The following TENM4 variants were observed in gnomAD, a reference collection of about 807,000 sequenced individuals.
The protein encoded by TENM4 is teneurin transmembrane protein 4.
Under a neutral mutation model 243.3 loss-of-function variants are expected in TENM4, and 82 were observed. That is an observed-to-expected ratio of 0.34 (90% CI 0.28 to 0.40). TENM4 has a LOEUF of 0.40. Among genes scored for constraint, TENM4 ranks in the 10% least tolerant of loss-of-function variants. The pLI, the probability that TENM4 is intolerant of heterozygous loss-of-function variation, is 1.00. For synonymous variants in TENM4, 1,412 were observed against 1,456.3 expected (o/e 0.97, Z 0.69); for missense variants, 3,138 against 3,673.3 (o/e 0.85, Z 3.77).
chr11:79,074,341 GC>G (rs1273049741), intron 4 of TENM4, among the ~76,000 whole-genome samples: 1 of 152,032 alleles, frequency 6.6e-6, no homozygotes, highest in African/African-American at 2.4e-5. Context: ...GTGACCTGGA[GC>G]CCCCCGGCAG....
intron 11 of TENM4, 60 bp downstream of exon 11, chr11:78,855,903 TG>T (rs769227068): frequency 2.1e-4 from 315 of 1,478,940 alleles, no homozygotes; most frequent in Non-Finnish European, 2.8e-4. Flanking sequence ...TTCTTAACTT[TG>T]GGTTAAGATT....
chr11:78,761,573 T>C (rs1039340100), intron 18 of TENM4, among the ~76,000 whole-genome samples: 5 of 152,188 alleles, frequency 3.3e-5, no homozygotes, highest in African/African-American at 9.6e-5. Context: ...GCTGGCCACC[T>C]CAAGGGTACC....
At chr11:78,997,958 C>T (rs1321825825) in intron 6 of TENM4, among the ~76,000 whole-genome samples, 1 of 152,142 alleles carries the variant, frequency 6.6e-6, no homozygotes, top group African/African-American at 2.4e-5. Context: ...GGTGTATATA[C>T]ACCGAGGAAA....
chr11:79,416,775 CA>C lies in TENM4; in HGVS notation c.-321+23733del, dbSNP rs1858823110. Among the ~76,000 whole-genome samples the C allele has an allele frequency of 3.3e-5, 5 of 152,132 alleles. No individual in the cohort carries two copies. The South Asian group carries it at 1.0e-3, about 32-fold the overall frequency. On this transcript the variant is annotated intron_variant, in intron 1 of 33. Coordinates refer to ENST00000278550, the MANE Select transcript of TENM4 (RefSeq NM_001098816.3). ...AGGGTTTCTCTCCAGGTCTCTGCTCCAAATCCTGTAGGGTATGCCTGCTACT... is the reference window on the plus strand; with the variant it reads ...AGGGTTTCTCTCCAGGTCTCTGCTCCAATCCTGTAGGGTATGCCTGCTACT...
At chr11:79,011,810 G>A (rs1203856065) in intron 6 of TENM4, among the ~76,000 whole-genome samples, 1 of 152,230 alleles carries the variant, frequency 6.6e-6, no homozygotes, top group East Asian at 1.9e-4. Context: ...AAAGAAGAGT[G>A]TGAAATTTCC....
At chr11:78,853,372 T>C (rs1408213456) in intron 12 of TENM4, among the ~76,000 whole-genome samples, 1 of 152,176 alleles carries the variant, frequency 6.6e-6, no homozygotes, top group Non-Finnish European at 1.5e-5. Flanking sequence ...TTCTGTGCAA[T>C]GTATTGGTAA....
chr11:79,105,734 A>G (rs1198806754), intron 4 of TENM4, among the ~76,000 whole-genome samples: 2 of 152,188 alleles, frequency 1.3e-5, no homozygotes, highest in South Asian at 2.1e-4. Context: ...CCAAACTTCA[A>G]TTTGGCAGCT....
At position 78,663,607 on chromosome 11, in the gene TENM4, C is replaced by G. The variant is rs111509696; in HGVS notation, c.7409-2016G>C. Among the ~76,000 whole-genome samples, 369 of 152,298 alleles carry G rather than the reference C, an allele frequency of 2.4e-3. 3 individuals carry two copies. Among genetic ancestry groups the G allele is most frequent in the African/African-American group, 8.3e-3 (343 of 41,574 alleles). ...TGCCTTCCGCTACGAGTAAAAGCTT[C>G]CTGACACTGAGCAGATGCGGCTGCC... On this transcript the variant is annotated intron_variant, in intron 32 of 33. Coordinates refer to ENST00000278550, the MANE Select transcript of TENM4 (RefSeq NM_001098816.3).
At chr11:78,944,456 T>C (rs1856970194) in intron 6 of TENM4, among the ~76,000 whole-genome samples, 1 of 152,216 alleles carries the variant, frequency 6.6e-6, no homozygotes, top group Admixed American at 6.5e-5. Context: ...AAATTGAAGT[T>C]TCTTCTCATC....
At chr11:79,318,326 C>G (rs1362581758) in intron 1 of TENM4, among the ~76,000 whole-genome samples, 2 of 152,150 alleles carry the variant, frequency 1.3e-5, no homozygotes, top group African/African-American at 2.4e-5. Context: ...AGAATTCAAG[C>G]TAGGAAGAGA....
At chr11:79,382,015 A>G (rs1858014609) in intron 1 of TENM4, among the ~76,000 whole-genome samples, 1 of 152,162 alleles carries the variant, frequency 6.6e-6, no homozygotes, top group Non-Finnish European at 1.5e-5. Context: ...ACATTTAGGG[A>G]GCATTTGGCA....
rs565619904 is a variant in TENM4, at chr11:78,815,670, G to T, written c.1682-1275C>A. Among the ~76,000 whole-genome samples the T allele has an allele frequency of 5.3e-5, 8 of 152,326 alleles. No individual in the cohort carries two copies. The South Asian group carries it at 1.5e-3, about 28-fold the overall frequency. ...TCAATAATGCTGGATGTGGAATGAGGCACAGAAGCAACTATATGCCAATGC... is the reference window on the plus strand; with the variant it reads ...TCAATAATGCTGGATGTGGAATGAGTCACAGAAGCAACTATATGCCAATGC... On this transcript the variant is annotated intron_variant, in intron 12 of 33. Transcript: ENST00000278550.
chr11:78,720,006 C>T (rs1452665694), intron 25 of TENM4, among the ~76,000 whole-genome samples: 1 of 152,174 alleles, frequency 6.6e-6, no homozygotes. Context: ...AAGATGTTCT[C>T]AGGACTTCCT....
intron 1 of TENM4, among the ~76,000 whole-genome samples, chr11:79,351,216 A>G (rs1857410086): frequency 6.6e-6 from 1 of 151,768 alleles, no homozygotes; most frequent in African/African-American, 2.4e-5. Context: ...CCTCATCACA[A>G]CCTTCCTTAT....
chr11:79,016,599 C>T (rs895803979), intron 6 of TENM4, among the ~76,000 whole-genome samples: 3 of 152,100 alleles, frequency 2.0e-5, no homozygotes, highest in African/African-American at 4.8e-5. Context: ...GATACACATT[C>T]GGTTGATATT....
chr11:78,956,694 A>G (rs936221950), intron 6 of TENM4, among the ~76,000 whole-genome samples: 1 of 152,220 alleles, frequency 6.6e-6, no homozygotes, highest in African/African-American at 2.4e-5. Flanking sequence ...ATCACCATCT[A>G]TTAGCCATCA....
chr11:78,959,431 C>T (rs543444918), intron 6 of TENM4, among the ~76,000 whole-genome samples: 1 of 152,278 alleles, frequency 6.6e-6, no homozygotes, highest in South Asian at 2.1e-4. Context: ...CTAATCTTCA[C>T]TCACTAGTGC....
intron 2 of TENM4, among the ~76,000 whole-genome samples, chr11:79,271,878 C>A (rs752355898): frequency 6.6e-6 from 1 of 152,184 alleles, no homozygotes; most frequent in Non-Finnish European, 1.5e-5. Context: ...GAAGGGGAAG[C>A]AAACATACTT....
chr11:79,039,921 G>A (rs1425472311), intron 6 of TENM4, among the ~76,000 whole-genome samples: 1 of 152,016 alleles, frequency 6.6e-6, no homozygotes, highest in African/African-American at 2.4e-5. Flanking sequence ...GCTTGCTAAT[G>A]CTAGCTTATA....
Sources: allele counts gnomAD v4.1 joint callset (sites outside exome capture counted in the v4.1 genomes callset), GRCh38; gene constraint gnomAD v4.1.1; transcripts MANE v1.5; gene names NCBI Gene and HGNC (gene_info 2026-07-23, HGNC 2026-07-21).